Variants in SLC35F2 observed in about 807,000 individuals in gnomAD.
SLC35F2 encodes solute carrier family 35 member F2.
In SLC35F2, 25 loss-of-function variants were observed where a neutral mutation model predicts 38.1. The observed-to-expected ratio is 0.66, with a 90% CI of 0.48 to 0.92. The LOEUF (loss-of-function observed/expected upper bound fraction) is 0.92, where lower values mean the gene tolerates loss of function less well. Among genes scored for constraint, SLC35F2 ranks in the 40% least tolerant of loss-of-function variants. The pLI is 0.00. For synonymous variants in SLC35F2, 173 were observed against 181.7 expected, an observed-to-expected ratio of 0.95 and a Z score of 0.38; for missense variants, 409 against 452.9, an observed-to-expected ratio of 0.90 and a Z score of 0.88.
chr11:107,847,616 A>C (rs566020034), intron 1 of SLC35F2, among the ~76,000 whole-genome samples: 119 of 152,346 alleles, frequency 7.8e-4, no homozygotes, highest in Admixed American at 2.3e-3. Flanking sequence ...TCTCCCAGGC[A>C]AGTGATAATT....
intron 1 of SLC35F2, among the ~76,000 whole-genome samples, chr11:107,832,961 C>A (rs1859869259): frequency 6.6e-6 from 1 of 152,184 alleles, no homozygotes; most frequent in South Asian, 2.1e-4. Flanking sequence ...CTCTCCCAAC[C>A]TCTTCTGGTC....
chr11:107,818,065 AAAAAAAAAAAGAAAGAAAGAAAG>A lies in SLC35F2; in HGVS notation c.111-2123_111-2101del, dbSNP rs1565433143. On this transcript the variant is annotated intron_variant, in intron 1 of 7. Coordinates refer to ENST00000525815, the MANE Select transcript of SLC35F2 (RefSeq NM_017515.5). Reference sequence around the variant, plus strand: ...GAGCAAGACTCTGTCTCAAAAAAAAAAAAAAAAAAAGAAAGAAAGAAAGAAAGAAAGAAAGAAAGAAAGAAAGA... The same window carrying A: ...GAGCAAGACTCTGTCTCAAAAAAAAAAAAGAAAGAAAGAAAGAAAGAAAGA... Among the ~76,000 whole-genome samples the A allele has an allele frequency of 3.4e-4, 45 of 134,076 alleles. 1 individual carries two copies. The highest frequency in any genetic ancestry group is 3.2e-3 in the Admixed American group (43 of 13,308). 88.0% of individuals were successfully genotyped at this position (134,076 alleles called of 152,430 possible). A position where few individuals can be genotyped will look rare whatever the true frequency, so the allele number is the denominator to read the frequency against.
chr11:107,845,893 C>T (rs753722001), intron 1 of SLC35F2, among the ~76,000 whole-genome samples: 5 of 151,872 alleles, frequency 3.3e-5, no homozygotes, highest in South Asian at 2.1e-4. Context: ...GCAGAGGTTG[C>T]AGTGTGCCAA....
chr11:107,824,398 G>A (rs1859722702), intron 1 of SLC35F2, among the ~76,000 whole-genome samples: 1 of 152,144 alleles, frequency 6.6e-6, no homozygotes, highest in Non-Finnish European at 1.5e-5. Flanking sequence ...TGTTACAGTG[G>A]AAAAAATACA....
At chr11:107,821,684 G>A (rs889343881) in intron 1 of SLC35F2, 2 of 903,412 alleles carry the variant, frequency 2.2e-6, no homozygotes, top group Non-Finnish European at 2.6e-6. Flanking sequence ...GAAGAAACAT[G>A]CATCTGACCT....
intron 1 of SLC35F2, among the ~76,000 whole-genome samples, chr11:107,827,406 G>C (rs1186148680): frequency 6.6e-6 from 1 of 151,550 alleles, no homozygotes; most frequent in Non-Finnish European, 1.5e-5. Context: ...CTTGAGGTCA[G>C]GTGTTCAAGA....
chr11:107,797,962 C>CTA (rs920466323), intron 7 of SLC35F2, among the ~76,000 whole-genome samples: 3 of 151,014 alleles, frequency 2.0e-5, no homozygotes, highest in African/African-American at 7.4e-5. Flanking sequence ...TTGGAGTACT[C>CTA]TAAACTTTTT....
rs1347629380 is a variant in SLC35F2 at position 107,792,647 on chromosome 11, TCTC to T, written c.1090_1092del (p.Glu364del). 4 of 1,613,292 alleles carry T rather than the reference TCTC, an allele frequency of 2.5e-6. No homozygotes were observed. The highest frequency in any genetic ancestry group is 3.4e-6 in the Non-Finnish European group (4 of 1,179,768). On this transcript the variant is annotated inframe_deletion, in exon 8 of 8. Transcript: ENST00000525815. ...ACAGCAGAGTGGGTCTCCTGGAGGT[TCTC>T]CTCCAGCTTCAGCCCCAGGTTGTCA... is the stretch of plus-strand genomic sequence containing the variant.
At chr11:107,843,550 CA>C (rs754451857) in intron 1 of SLC35F2, among the ~76,000 whole-genome samples, 2,401 of 114,932 alleles carry the variant, frequency 0.021, 51 homozygotes, top group African/African-American at 0.061. Flanking sequence ...AACTTTGTCT[CA>C]AAAAAAAAAA....
chr11:107,842,257 CAAAAAAAA>C lies in SLC35F2; in HGVS notation c.110+16393_110+16400del, dbSNP rs541185009. Among the ~76,000 whole-genome samples, 27 of 37,898 alleles carry C rather than the reference CAAAAAAAA, an allele frequency of 7.1e-4. 1 individual carries two copies. The highest frequency in any genetic ancestry group is 1.9e-3 in the South Asian group (1 of 520). The allele number at this position is 37,898 out of a possible 152,430, so 24.9% of individuals were successfully genotyped here. A position where few individuals can be genotyped will look rare whatever the true frequency, so the allele number is the denominator to read the frequency against. On this transcript the variant is annotated intron_variant, in intron 1 of 7. Transcript: ENST00000525815. ...GGCGACAGAGTGAGACTCCGTCTCA[CAAAAAAAA>C]AAAAAAAAAAAAAAAAAAAATTAAA...
intron 1 of SLC35F2, among the ~76,000 whole-genome samples, chr11:107,852,206 C>T (rs1860198202): frequency 6.6e-6 from 1 of 151,652 alleles, no homozygotes; most frequent in African/African-American, 2.4e-5. Context: ...TCACTTGAGG[C>T]CAGGAGTTCA....
chr11:107,826,561 A>T (rs955698641), intron 1 of SLC35F2, among the ~76,000 whole-genome samples: 1 of 152,116 alleles, frequency 6.6e-6, no homozygotes, highest in Non-Finnish European at 1.5e-5. Context: ...AACTTTTTAA[A>T]AGTTGTGTAT....
intron 1 of SLC35F2, chr11:107,823,232 G>C: frequency 2.0e-6 from 2 of 984,700 alleles, no homozygotes; most frequent in Non-Finnish European, 2.4e-6. Flanking sequence ...GATCAGGACG[G>C]CAAACCACTA....
rs559029989 is a variant in SLC35F2, at chr11:107,830,636, T to TTGAATG, written c.111-14677_111-14672dup. On this transcript the variant is annotated intron_variant, in intron 1 of 7. Coordinates refer to ENST00000525815, the MANE Select transcript of SLC35F2 (RefSeq NM_017515.5). ...AAAAGAGAACAGCCTCTACTTTTAT[T>TTGAATG]TGAATGTTCCCATAAAATTTTTTTT... Among the ~76,000 whole-genome samples the TTGAATG allele has an allele frequency of 3.3e-5, 5 of 151,926 alleles. No homozygotes were observed. In the South Asian group the frequency reaches 1.0e-3, roughly 32 times the overall value.
chr11:107,796,342 C>T (rs545150163), intron 7 of SLC35F2, among the ~76,000 whole-genome samples: 2 of 152,268 alleles, frequency 1.3e-5, no homozygotes, highest in South Asian at 2.1e-4. Flanking sequence ...TTTATTGCAG[C>T]ACTATTCACA....
chr11:107,858,596 C>T (rs758982219), intron 1 of SLC35F2, 62 bp downstream of exon 1: 12 of 1,230,576 alleles, frequency 9.8e-6, no homozygotes, highest in African/African-American at 3.1e-5. Flanking sequence ...TGTCCACGTG[C>T]GCGCAGGGCC....
intron 1 of SLC35F2, among the ~76,000 whole-genome samples, chr11:107,845,500 G>A (rs1221237165): frequency 6.6e-6 from 1 of 152,058 alleles, no homozygotes; most frequent in Non-Finnish European, 1.5e-5. Context: ...CAGCCTGGGT[G>A]ACAAAGTGAG....
At chr11:107,810,542 T>C in intron 3 of SLC35F2, 2 of 985,394 alleles carry the variant, frequency 2.0e-6, no homozygotes, top group South Asian at 9.4e-5. Flanking sequence ...CTTACTCCTA[T>C]TAGTGATAAA....
In SLC35F2 at chr11:107,856,073, C is replaced by T. The variant is rs1439376099; in HGVS notation, c.110+2585G>A. Among the ~76,000 whole-genome samples, 7 of 146,926 alleles carry T rather than the reference C, an allele frequency of 4.8e-5. No individual in the cohort carries two copies. The East Asian group carries it at 1.4e-3, about 29-fold the overall frequency. ...TGAGCCATGATCGTGCCGCTGCACTCCAGCCTGGGCAACAAGAGCAAAACT... is the reference window on the plus strand; with the variant it reads ...TGAGCCATGATCGTGCCGCTGCACTTCAGCCTGGGCAACAAGAGCAAAACT... On this transcript the variant is annotated intron_variant, in intron 1 of 7. Coordinates refer to ENST00000525815, the MANE Select transcript of SLC35F2 (RefSeq NM_017515.5).
Sources: gnomAD v4.1 joint callset for allele counts (sites outside exome capture counted in the v4.1 genomes callset) on GRCh38, gnomAD v4.1.1 for gene constraint, MANE v1.5 for transcripts, NCBI Gene and HGNC (gene_info 2026-07-23, HGNC 2026-07-21) for gene names.